Variants in L3HYPDH observed in about 807,000 individuals in gnomAD.
L3HYPDH encodes the protein trans-3-hydroxy-L-proline dehydratase.
A neutral mutation model predicts 26.5 loss-of-function variants in L3HYPDH; 32 were observed. The observed-to-expected ratio is 1.21, with a 90% CI of 0.91 to 1.62. L3HYPDH has a LOEUF of 1.62. Ranked by LOEUF, L3HYPDH falls within the 40% of genes most tolerant of loss-of-function variation. The pLI, the probability that L3HYPDH is intolerant of heterozygous loss-of-function variation, is 0.00. For synonymous variants in L3HYPDH, 215 were observed against 196.6 expected, an observed-to-expected ratio of 1.09 and a Z score of -0.78; for missense variants, 554 against 476.4, an observed-to-expected ratio of 1.16 and a Z score of -1.52.
At chr14:59,484,809 GAA>G (rs905029390), upstream of L3HYPDH, 2 of 922,640 alleles carry the variant, frequency 2.2e-6, no homozygotes, top group African/African-American at 3.4e-5. Context: ...TGTCTGCGGC[GAA>G]ATGCCAGGTC....
At chr14:59,471,497 G>A (rs1889311400), downstream of L3HYPDH, among the ~76,000 whole-genome samples, 2 of 152,174 alleles carry the variant, frequency 1.3e-5, no homozygotes, top group South Asian at 4.1e-4. Context: ...CCCTGGTGGA[G>A]TTGATAAAGG....
chr14:59,504,260 A>ATACTC, the L3HYPDH span: 1 of 595,784 alleles, frequency 1.7e-6, no homozygotes, highest in Admixed American at 3.0e-5. Context: ...AAACTCTGTA[A>ATACTC]TACTCTGTTA....
chr14:59,471,183 T>C (rs1288052980), downstream of L3HYPDH, among the ~76,000 whole-genome samples: 1 of 152,176 alleles, frequency 6.6e-6, no homozygotes. Flanking sequence ...ATGAACACTA[T>C]TGCAAGAGTT....
intron 1 of L3HYPDH, 86 bp from the exon 2 acceptor site, chr14:59,479,437 T>C (rs535142229): frequency 1.9e-4 from 238 of 1,240,210 alleles, no homozygotes; most frequent in South Asian, 1.5e-3. Flanking sequence ...AATATGTTTA[T>C]TTTTCAAGAG....
At chr14:59,498,246 ATGTAT>A in the L3HYPDH span, among the ~76,000 whole-genome samples, 1 of 152,208 alleles carries the variant, frequency 6.6e-6, no homozygotes, top group Non-Finnish European at 1.5e-5. Context: ...TTGGCACTTA[ATGTAT>A]TAGGCACAGT....
At chr14:59,497,779 C>T in the L3HYPDH span, among the ~76,000 whole-genome samples, 1 of 152,098 alleles carries the variant, frequency 6.6e-6, no homozygotes, top group Non-Finnish European at 1.5e-5. Context: ...CTGTACAGGA[C>T]TGAACCTAAA....
chr14:59,483,811 G>A lies in L3HYPDH; in HGVS notation c.506C>T (p.Thr169Ile), dbSNP rs773101119. 6.3e-7 allele frequency: 1 copy of A among 1,593,356 alleles called. No homozygotes were observed. Among genetic ancestry groups the A allele is most frequent in the Admixed American group, 1.7e-5 (1 of 59,342 alleles). Reference sequence around the variant, plus strand: ...GCTGGAAAGGTCCCGCCCATTACCTGTGGCCAGCACGAAGGCCGGGACGCT... The same window carrying A: ...GCTGGAAAGGTCCCGCCCATTACCTATGGCCAGCACGAAGGCCGGGACGCT... ...FHSVPAFVLATDLMVDVPGHG... is the reference protein window; with the variant it reads ...FHSVPAFVLAIDLMVDVPGHG... The change falls in exon 1 of 5, where the codon ACA becomes ATA. Residue 169 changes from threonine to isoleucine, a missense_variant and splice_region_variant. Physicochemically the swap from Thr to Ile is moderately conservative, Grantham distance 89. Transcript: ENST00000247194.
the L3HYPDH span, chr14:59,498,692 T>G: frequency 8.7e-7 from 1 of 1,154,002 alleles, no homozygotes; most frequent in Non-Finnish European, 1.2e-6. Flanking sequence ...TTTAAAACAT[T>G]TTTGATGTTA....
downstream of L3HYPDH, among the ~76,000 whole-genome samples, chr14:59,468,304 T>C (rs1889241798): frequency 6.6e-6 from 1 of 152,240 alleles, no homozygotes. Flanking sequence ...AGGCACTGCA[T>C]GATTTGACCC....
rs1890251806 is a variant in L3HYPDH, at chr14:59,483,821, C to T, written c.496G>A (p.Val166Met). 2 of 1,592,800 alleles carry T rather than the reference C, an allele frequency of 1.3e-6. No individual in the cohort carries two copies. Among genetic ancestry groups the T allele is most frequent in the East Asian group, 2.2e-5 (1 of 44,538 alleles). The change falls in exon 1 of 5, where the codon GTG becomes ATG. Residue 166 changes from valine to methionine, a missense_variant. Physicochemically the swap from Val to Met is conservative, Grantham distance 21. Coordinates refer to ENST00000247194, the MANE Select transcript of L3HYPDH (RefSeq NM_144581.2). ...TCCCGCCCATTACCTGTGGCCAGCA[C>T]GAAGGCCGGGACGCTGTGGAAGCGC... ...PVRFHSVPAF[V>M]LATDLMVDVP... is the part of the protein sequence containing the mutation.
chr14:59,483,433 C>A (rs965164584), intron 1 of L3HYPDH: 5 of 987,812 alleles, frequency 5.1e-6, no homozygotes, highest in Non-Finnish European at 6.3e-6. Flanking sequence ...TATTCTCAGC[C>A]AGCCTGGAAC....
chr14:59,473,980 T>C (rs1205746404), intron 4 of L3HYPDH, among the ~76,000 whole-genome samples: 1 of 152,206 alleles, frequency 6.6e-6, no homozygotes, highest in African/African-American at 2.4e-5. Context: ...TCAATAACTA[T>C]AAAACAAGTA....
At chr14:59,503,545 A>ATCTT in the L3HYPDH span, among the ~76,000 whole-genome samples, 1 of 151,880 alleles carries the variant, frequency 6.6e-6, no homozygotes, top group Non-Finnish European at 1.5e-5. Flanking sequence ...TCTAGTTCGT[A>ATCTT]TCTTTGAGAA....
intron 1 of L3HYPDH, among the ~76,000 whole-genome samples, chr14:59,481,559 C>A (rs1594917009): frequency 6.6e-6 from 1 of 152,198 alleles, no homozygotes; most frequent in Non-Finnish European, 1.5e-5. Context: ...ACAAGCATAT[C>A]ACTGAAATTT....
intron 4 of L3HYPDH, chr14:59,474,457 T>C: frequency 1.4e-6 from 1 of 690,068 alleles, no homozygotes; most frequent in Non-Finnish European, 2.6e-6. Flanking sequence ...GTCTGAGTCA[T>C]TCTTTGGTCT....
upstream of L3HYPDH, chr14:59,486,745 T>C: frequency 6.3e-7 from 1 of 1,595,828 alleles, no homozygotes. Flanking sequence ...CCTTGGACTT[T>C]ATTGTGGGAA....
chr14:59,484,505 G>A, upstream of L3HYPDH: 5 of 1,518,376 alleles, frequency 3.3e-6, no homozygotes, highest in Non-Finnish European at 4.5e-6. Flanking sequence ...AGGCGGAGCC[G>A]CCGAGCTCGC....
downstream of L3HYPDH, among the ~76,000 whole-genome samples, chr14:59,470,468 C>T (rs1889282090): frequency 6.6e-6 from 1 of 152,180 alleles, no homozygotes; most frequent in Non-Finnish European, 1.5e-5. Context: ...GGACTTGGAG[C>T]AAAGTGCATT....
At chr14:59,484,660 C>G, upstream of L3HYPDH, 1 of 1,538,934 alleles carries the variant, frequency 6.5e-7, no homozygotes, top group Non-Finnish European at 8.8e-7. Flanking sequence ...CACGGCTGGC[C>G]TCGGGCTCGG....
Sources: allele counts gnomAD v4.1 joint callset (sites outside exome capture counted in the v4.1 genomes callset), GRCh38; gene constraint gnomAD v4.1.1; transcripts MANE v1.5; gene names NCBI Gene and HGNC (gene_info 2026-07-23, HGNC 2026-07-21).